The following MAN2A1 variants were observed in gnomAD, a reference collection of about 807,000 sequenced individuals.
The protein encoded by MAN2A1 is mannosidase alpha class 2A member 1, also known as alpha-mannosidase 2.
In MAN2A1, 76 loss-of-function variants were observed where a neutral mutation model predicts 142.6. That is an observed-to-expected ratio of 0.53 (90% CI 0.44 to 0.65). The LOEUF is 0.65. Ranked by LOEUF, MAN2A1 falls within the 30% of genes least tolerant of loss-of-function variation. The pLI, the probability that MAN2A1 is intolerant of heterozygous loss-of-function variation, is 0.00. For missense variants in MAN2A1, 1,311 were observed against 1,365.1 expected, an observed-to-expected ratio of 0.96 and a Z score of 0.62; for synonymous variants, 559 against 473.2, an observed-to-expected ratio of 1.18 and a Z score of -2.35.
chr5:109,761,009 C>T (rs34961375), intron 5 of MAN2A1, among the ~76,000 whole-genome samples: 26,228 of 151,426 alleles, frequency 0.17, 3,256 homozygotes, highest in East Asian at 0.64. Context: ...TATGGTTATT[C>T]GTTTGTTTTT....
intron 16 of MAN2A1, among the ~76,000 whole-genome samples, chr5:109,828,021 C>T (rs1403302431): frequency 1.3e-5 from 2 of 151,760 alleles, no homozygotes. Flanking sequence ...AGGAGAATCG[C>T]TTCAACGCAG....
chr5:109,748,950 C>T (rs569783751), intron 4 of MAN2A1, among the ~76,000 whole-genome samples: 33 of 151,408 alleles, frequency 2.2e-4, no homozygotes, highest in Middle Eastern at 3.4e-3. Context: ...ATGAATCAGA[C>T]AATCTGATTA....
chr5:109,695,881 C>T (rs1283926481), intron 1 of MAN2A1, among the ~76,000 whole-genome samples: 1 of 152,104 alleles, frequency 6.6e-6, no homozygotes, highest in African/African-American at 2.4e-5. Flanking sequence ...AGTTTGAAAC[C>T]ATTTTTAAAT....
intron 21 of MAN2A1, among the ~76,000 whole-genome samples, chr5:109,865,575 GA>G (rs1279303405): frequency 2.6e-5 from 4 of 152,340 alleles, no homozygotes; most frequent in African/African-American, 9.6e-5. Context: ...AAGCAACTGG[GA>G]AAATTGAGAC....
At chr5:109,738,185 T>C (rs1380099932) in intron 4 of MAN2A1, among the ~76,000 whole-genome samples, 2 of 152,122 alleles carry the variant, frequency 1.3e-5, no homozygotes, top group African/African-American at 4.8e-5. Flanking sequence ...ACTGTACTTA[T>C]TTTTTGCTAC....
chr5:109,776,896 A>G (rs1753307869), intron 8 of MAN2A1, among the ~76,000 whole-genome samples: 1 of 152,146 alleles, frequency 6.6e-6, no homozygotes. Context: ...TGCGAGAGTC[A>G]TCCATTCTGT....
chr5:109,728,104 G>C (rs1032891280), intron 3 of MAN2A1, among the ~76,000 whole-genome samples: 8 of 152,248 alleles, frequency 5.3e-5, no homozygotes, highest in African/African-American at 1.9e-4. Flanking sequence ...CACATTGTAG[G>C]TGCTCAGTAA....
intron 4 of MAN2A1, among the ~76,000 whole-genome samples, chr5:109,743,233 G>GA (rs1312649808): frequency 6.6e-6 from 1 of 152,040 alleles, no homozygotes; most frequent in Non-Finnish European, 1.5e-5. Flanking sequence ...CTCGCCTGTT[G>GA]GGGAACACTG....
chr5:109,755,495 C>G lies in MAN2A1; in HGVS notation c.835+39C>G, dbSNP rs779415659. ...TATTCTTTATTTGGGCTATTTTGGA[C>G]AGTTAATTTTCGGGATGTGAAGTGA... On this transcript the variant is annotated intron_variant, in intron 5 of 21. Transcript: ENST00000261483. The G allele has an allele frequency of 7.7e-6, 12 of 1,552,238 alleles. No individual in the cohort carries two copies. The East Asian group carries it at 2.5e-4, about 33-fold the overall frequency.
intron 5 of MAN2A1, among the ~76,000 whole-genome samples, chr5:109,757,742 T>G (rs1206649865): frequency 6.6e-6 from 1 of 152,162 alleles, no homozygotes; most frequent in Non-Finnish European, 1.5e-5. Flanking sequence ...ATCACTAGTC[T>G]TTCTGTATAT....
intron 3 of MAN2A1, among the ~76,000 whole-genome samples, chr5:109,723,380 G>A (rs1004153094): frequency 6.6e-6 from 1 of 152,180 alleles, no homozygotes; most frequent in African/African-American, 2.4e-5. Context: ...GGTTTTCCAA[G>A]TCTCACAGAT....
intron 4 of MAN2A1, among the ~76,000 whole-genome samples, chr5:109,745,842 C>T (rs1752388986): frequency 6.6e-6 from 1 of 152,188 alleles, no homozygotes; most frequent in Non-Finnish European, 1.5e-5. Flanking sequence ...TCCTCAAACC[C>T]CTGGCCTGAG....
At chr5:109,703,177 G>A (rs1751037145) in intron 1 of MAN2A1, among the ~76,000 whole-genome samples, 1 of 152,176 alleles carries the variant, frequency 6.6e-6, no homozygotes, top group Admixed American at 6.5e-5. Flanking sequence ...CACTGTTTAG[G>A]TTGATTACTG....
intron 20 of MAN2A1, among the ~76,000 whole-genome samples, chr5:109,859,435 T>C (rs1182528363): frequency 6.6e-6 from 1 of 152,206 alleles, no homozygotes; most frequent in Non-Finnish European, 1.5e-5. Context: ...CAAACATCTC[T>C]GGAAGCCCTG....
intron 3 of MAN2A1, among the ~76,000 whole-genome samples, chr5:109,723,446 A>T (rs1004816373): frequency 2.6e-5 from 4 of 152,172 alleles, no homozygotes; most frequent in Admixed American, 2.6e-4. Context: ...TTGGAAACTT[A>T]GTCGATTACT....
chr5:109,694,367 G>A (rs1750753473), intron 1 of MAN2A1, among the ~76,000 whole-genome samples: 1 of 151,522 alleles, frequency 6.6e-6, no homozygotes, highest in Non-Finnish European at 1.5e-5. Flanking sequence ...TTGGGATAGG[G>A]TTTTGCTCTG....
chr5:109,785,961 A>T (rs899954608), intron 10 of MAN2A1, among the ~76,000 whole-genome samples: 1 of 152,128 alleles, frequency 6.6e-6, no homozygotes, highest in South Asian at 2.1e-4. Context: ...CACGACTTAT[A>T]TTACTAATTG....
At chr5:109,824,731 C>CT (rs1415592887) in intron 16 of MAN2A1, among the ~76,000 whole-genome samples, 1 of 152,030 alleles carries the variant, frequency 6.6e-6, no homozygotes, top group Non-Finnish European at 1.5e-5. Flanking sequence ...GCACGGTTTC[C>CT]TTTTTAGGTA....
At chr5:109,721,426 A>G (rs1459978337) in intron 3 of MAN2A1, among the ~76,000 whole-genome samples, 1 of 152,154 alleles carries the variant, frequency 6.6e-6, no homozygotes, top group African/African-American at 2.4e-5. Context: ...ATTTTCAATA[A>G]CAATGAATAG....
Sources: gnomAD v4.1 joint callset for allele counts (sites outside exome capture counted in the v4.1 genomes callset) on GRCh38, gnomAD v4.1.1 for gene constraint, MANE v1.5 for transcripts, NCBI Gene and HGNC (gene_info 2026-07-23, HGNC 2026-07-21) for gene names.